The following ADAMTSL1 variants were observed in gnomAD, a reference collection of about 807,000 sequenced individuals.
The protein encoded by ADAMTSL1 is ADAMTS like 1, also known as ADAMTS-like protein 1.
ADAMTSL1 carries 126 observed loss-of-function variants against 201.8 expected under a neutral mutation model. That is an observed-to-expected ratio of 0.62 (90% CI 0.54 to 0.72). ADAMTSL1 has a LOEUF of 0.72. Among genes scored for constraint, ADAMTSL1 ranks in the 30% least tolerant of loss-of-function variants. The probability of loss-of-function intolerance (pLI) is 0.00; values close to 1 mark genes in which losing one functional copy is unlikely to be tolerated. For synonymous variants in ADAMTSL1, 1,121 were observed against 903.4 expected (o/e 1.24, Z -4.32); for missense variants, 2,679 against 2,277.8 (o/e 1.18, Z -3.59).
rs1315023360 is a variant in ADAMTSL1 at position 18,885,276 on chromosome 9, T to C, written c.4250-2555T>C. Among the ~76,000 whole-genome samples the C allele has an allele frequency of 1.3e-5, 2 of 152,206 alleles. 1 individual carries two copies. Among genetic ancestry groups the C allele is most frequent in the East Asian group, 3.9e-4 (2 of 5,180 alleles). On this transcript the variant is annotated intron_variant, in intron 23 of 28. Transcript: ENST00000380548. ...CAAATAAGGGCTGAATTCACCCTTT[T>C]ATAATGGCATTAATCCAACCCATGA... is the stretch of plus-strand genomic sequence containing the variant.
At chr9:18,650,967 G>A (rs1471079503) in intron 7 of ADAMTSL1, among the ~76,000 whole-genome samples, 1 of 152,168 alleles carries the variant, frequency 6.6e-6, no homozygotes, top group African/African-American at 2.4e-5. Context: ...TATAAAAGTG[G>A]ATAGATCCAA....
chr9:18,424,982 A>G (rs1392370546), intron 2 of ADAMTSL1, among the ~76,000 whole-genome samples: 1 of 152,242 alleles, frequency 6.6e-6, no homozygotes, highest in Non-Finnish European at 1.5e-5. Context: ...TGATCTGAAT[A>G]TTAGTTGGCA....
chr9:18,764,669 T>C (rs973549883), intron 16 of ADAMTSL1, among the ~76,000 whole-genome samples: 7 of 152,214 alleles, frequency 4.6e-5, no homozygotes, highest in African/African-American at 1.4e-4. Flanking sequence ...AATTGTCCAC[T>C]GTAGCTAAAG....
chr9:18,504,747 G>A (rs1823028002), intron 1 of ADAMTSL1, 82 bp from the exon 2 acceptor site: 7 of 1,598,958 alleles, frequency 4.4e-6, no homozygotes, highest in Non-Finnish European at 5.1e-6. Flanking sequence ...GTACACACAC[G>A]TACAGGCCAG....
chr9:18,113,599 T>C (rs1825122005), intron 1 of ADAMTSL1, among the ~76,000 whole-genome samples: 1 of 152,102 alleles, frequency 6.6e-6, no homozygotes, highest in Non-Finnish European at 1.5e-5. Flanking sequence ...GTATGTAGTA[T>C]CTAGAGAGAT....
At chr9:18,369,796 A>G (rs1213231964) in intron 2 of ADAMTSL1, among the ~76,000 whole-genome samples, 1 of 152,224 alleles carries the variant, frequency 6.6e-6, no homozygotes, top group Non-Finnish European at 1.5e-5. Flanking sequence ...GTATCTATAC[A>G]CCATGGATAC....
intron 1 of ADAMTSL1, among the ~76,000 whole-genome samples, chr9:17,988,378 A>G (rs1819009475): frequency 6.6e-6 from 1 of 152,086 alleles, no homozygotes. Context: ...ATTCTTTTCC[A>G]CAATGAATAG....
intron 2 of ADAMTSL1, among the ~76,000 whole-genome samples, chr9:18,312,821 T>C (rs747839771): frequency 6.6e-6 from 1 of 152,186 alleles, no homozygotes; most frequent in African/African-American, 2.4e-5. Flanking sequence ...GTCACTCTAA[T>C]AGCTTAGACT....
intron 1 of ADAMTSL1, among the ~76,000 whole-genome samples, chr9:17,933,560 C>A (rs753560862): frequency 6.6e-6 from 1 of 151,988 alleles, no homozygotes; most frequent in Non-Finnish European, 1.5e-5. Context: ...AAGAAATGCC[C>A]AAGACTGAGT....
In ADAMTSL1 at chr9:18,619,476, A is replaced by T. The variant is rs149249872; in HGVS notation, c.475-2767A>T. ...TAAATTCTGAAGCTAAACAAAGCCC[A>T]TTTAAAACTGACTTGGTTCATATCC... On this transcript the variant is annotated intron_variant, in intron 4 of 28. Transcript: ENST00000380548. Among the ~76,000 whole-genome samples the T allele has an allele frequency of 2.1e-3, 318 of 152,252 alleles. 2 individuals are homozygous for T. Among genetic ancestry groups the T allele is most frequent in the African/African-American group, 7.1e-3 (295 of 41,566 alleles).
At chr9:18,537,988 G>C (rs529053158) in intron 3 of ADAMTSL1, among the ~76,000 whole-genome samples, 3 of 151,034 alleles carry the variant, frequency 2.0e-5, no homozygotes, top group Non-Finnish European at 4.4e-5. Flanking sequence ...AGGAGGAAGA[G>C]GAAGAAGAAG....
chr9:18,239,832 G>A (rs1830993952), intron 2 of ADAMTSL1, among the ~76,000 whole-genome samples: 2 of 152,068 alleles, frequency 1.3e-5, no homozygotes, highest in Non-Finnish European at 1.5e-5. Context: ...CACTATCAGT[G>A]TTTATCCATA....
At chr9:17,923,030 A>G (rs1012942108) in intron 1 of ADAMTSL1, among the ~76,000 whole-genome samples, 2 of 152,192 alleles carry the variant, frequency 1.3e-5, no homozygotes, top group African/African-American at 4.8e-5. Flanking sequence ...ACTTGTTTAG[A>G]AAACCATCCA....
intron 2 of ADAMTSL1, among the ~76,000 whole-genome samples, chr9:18,229,575 A>G (rs1242373558): frequency 6.6e-6 from 1 of 152,078 alleles, no homozygotes; most frequent in Non-Finnish European, 1.5e-5. Flanking sequence ...TTTGGCAGGT[A>G]TGTTATAGAA....
intron 1 of ADAMTSL1, among the ~76,000 whole-genome samples, chr9:17,941,072 C>A (rs1366714493): frequency 1.3e-5 from 2 of 151,850 alleles, no homozygotes; most frequent in African/African-American, 4.8e-5. Context: ...TAACTTGAGA[C>A]CTTTTAGAGA....
chr9:17,926,065 G>C (rs1209001833), intron 1 of ADAMTSL1, among the ~76,000 whole-genome samples: 2 of 152,088 alleles, frequency 1.3e-5, no homozygotes, highest in African/African-American at 4.8e-5. Context: ...AATACCTGCA[G>C]ATACGCTCCA....
In ADAMTSL1 at chr9:18,125,127, A is replaced by G. The variant is rs142894803; in HGVS notation, c.88-38735A>G. On this transcript the variant is annotated intron_variant, in intron 1 of 29. Coordinates refer to the ADAMTSL1 transcript ENST00000680146. ...AGACTGAGCAATTTACAAGAGAAAG[A>G]GGTTTAACTGGACTCACAGTTCCAT... 4.2e-3 allele frequency among the ~76,000 whole-genome samples: 634 copies of G among 152,314 alleles called. 5 individuals carry two copies. The highest frequency in any genetic ancestry group is 0.015 in the African/African-American group (610 of 41,566).
chr9:18,541,088 G>C (rs79784577), intron 3 of ADAMTSL1, among the ~76,000 whole-genome samples: 64 of 152,296 alleles, frequency 4.2e-4, no homozygotes, highest in African/African-American at 1.5e-3. Flanking sequence ...AGTCAGATGG[G>C]ACATGTCTTT....
intron 2 of ADAMTSL1, among the ~76,000 whole-genome samples, chr9:18,460,223 C>T (rs902076690): frequency 1.3e-5 from 2 of 152,188 alleles, no homozygotes; most frequent in East Asian, 1.9e-4. Context: ...TATTACATTA[C>T]CAAAGAGAGC....
Sources: gnomAD v4.1 joint callset for allele counts (sites outside exome capture counted in the v4.1 genomes callset) on GRCh38, gnomAD v4.1.1 for gene constraint, MANE v1.5 for transcripts, NCBI Gene and HGNC (gene_info 2026-07-23, HGNC 2026-07-21) for gene names.